The following KDM6B variants were observed in gnomAD, a reference collection of about 807,000 sequenced individuals.
KDM6B encodes lysine demethylase 6B, also known as lysine-specific demethylase 6B.
Under a neutral mutation model 150.4 loss-of-function variants are expected in KDM6B, and 22 were observed. The observed-to-expected ratio is 0.15, with a 90% CI of 0.10 to 0.21. The LOEUF (loss-of-function observed/expected upper bound fraction) is 0.21. Ranked by LOEUF, KDM6B falls within the 10% of genes least tolerant of loss-of-function variation. The pLI, the probability that KDM6B is intolerant of heterozygous loss-of-function variation, is 1.00. For synonymous variants in KDM6B, 1,148 were observed against 921.1 expected (o/e 1.25, Z -4.46); for missense variants, 1,984 against 2,234.3 (o/e 0.89, Z 2.26).
In KDM6B at chr17:7,847,959, C is replaced by T. The variant is rs1055366496; in HGVS notation, c.1671C>T (p.Asn557=). The change falls in exon 12 of 24, where the codon AAC becomes AAT. Residue 557 remains asparagine, a synonymous_variant. Coordinates refer to ENST00000448097, the MANE Select transcript of KDM6B (RefSeq NM_001348716.2). Reference sequence around the variant, plus strand: ...CAACCACCAGCAGTAGCAACAGCAACAGTGGCAGCCACAGCAGCAGCCCTG... The same window carrying T: ...CAACCACCAGCAGTAGCAACAGCAATAGTGGCAGCCACAGCAGCAGCCCTG... ...PTPTTSSSNS[N]SGSHSSSPAG... is the part of the protein sequence containing the mutation. The T allele has an allele frequency of 6.2e-7, 1 of 1,610,026 alleles. No individual in the cohort carries two copies. The highest frequency in any genetic ancestry group is 8.5e-7 in the Non-Finnish European group (1 of 1,178,866).
In KDM6B at chr17:7,846,906, G is replaced by C. The variant is rs756006835; in HGVS notation, c.799G>C (p.Gly267Arg). 1 of 875,456 alleles carries C rather than the reference G, an allele frequency of 1.1e-6. No homozygotes were observed. Among genetic ancestry groups the C allele is most frequent in the Non-Finnish European group, 1.7e-6 (1 of 605,890 alleles). 54.2% of individuals were successfully genotyped at this position (875,456 alleles called of 1,614,324 possible). The change falls in exon 10 of 24, where the codon GGC becomes CGC. Residue 267 changes from glycine to arginine, a missense_variant. Transcript: ENST00000448097. Reference protein sequence around the residue: ...PPPPPPPPLPGLATSPPFQLT... With the variant: ...PPPPPPPPLPRLATSPPFQLT... The stretch of plus-strand genomic sequence containing the variant: ...ACCACCACCACCACCACCCCTGCCT[G>C]GCCTGGCTACCAGCCCCCCATTTCA...
chr17:7,842,111 C>T (rs2078427810), intron 2 of KDM6B, among the ~76,000 whole-genome samples: 1 of 152,240 alleles, frequency 6.6e-6, no homozygotes, highest in African/African-American at 2.4e-5. Flanking sequence ...AGGCCTCTTA[C>T]CACGCGTCCC....
rs759908151 is a variant in KDM6B at position 7,846,504 on chromosome 17, A to G, written c.549+12A>G. The G allele has an allele frequency of 1.2e-6, 2 of 1,613,930 alleles. No individual in the cohort carries two copies. The highest frequency in any genetic ancestry group is 1.7e-6 in the Non-Finnish European group (2 of 1,179,946). On this transcript the variant is annotated intron_variant, in intron 8 of 23. Transcript: ENST00000448097. Reference sequence around the variant, plus strand: ...TGCTACACCTTGAGGTGAGGCTGGCACTGGGTGGGTTAGGGAGGAGAGCCA... The same window carrying G: ...TGCTACACCTTGAGGTGAGGCTGGCGCTGGGTGGGTTAGGGAGGAGAGCCA...
rs2078488759 is a variant in KDM6B, at chr17:7,844,481, T to TA, written c.-268-419dup. On this transcript the variant is annotated intron_variant, in intron 2 of 23. Transcript: ENST00000448097. The surrounding 1 kb of genome is among the most constrained non-coding windows in gnomAD (Gnocchi z 5.9). ...TGGCTGGCCAGCCCTAAGCAGTTAA[T>TA]AGGGGCGCTCGGGGTAGGGAGGTCT... The TA allele has an allele frequency of 6.6e-6, 1 of 151,518 alleles. No individual in the cohort carries two copies. Among genetic ancestry groups the TA allele is most frequent in the African/African-American group, 2.4e-5 (1 of 41,122 alleles). The allele number at this position is 151,518 out of a possible 1,614,324, so 9.4% of individuals were successfully genotyped here. A position where few individuals can be genotyped will look rare whatever the true frequency, so the allele number is the denominator to read the frequency against.
chr17:7,849,634 G>A lies in KDM6B; in HGVS notation c.3346G>A (p.Glu1116Lys). The A allele has an allele frequency of 6.2e-7, 1 of 1,611,466 alleles. No homozygotes were observed. Among genetic ancestry groups the A allele is most frequent in the Non-Finnish European group, 8.5e-7 (1 of 1,180,014 alleles). The change falls in exon 12 of 24, where the codon GAG (glutamate) becomes AAG (lysine). Residue 1116 changes from glutamate (E) to lysine (K), a missense_variant. By Grantham distance (56) the Glu-to-Lys change is moderately conservative. Around this residue, in one of 13 missense-constraint regions of KDM6B, gnomAD observed 1,379 missense variants for 1,275.6 expected, o/e 1.08. Coordinates refer to ENST00000448097, the MANE Select transcript of KDM6B (RefSeq NM_001348716.2). ...CATCAAGGTAGAGAGTGGTGACAAGGAGACCTTTATCGCCTCTGAGGTGGA... is the reference window on the plus strand; with the variant it reads ...CATCAAGGTAGAGAGTGGTGACAAGAAGACCTTTATCGCCTCTGAGGTGGA... ...RLIKVESGDK[E>K]TFIASEVEER...
In KDM6B at chr17:7,834,268, C is replaced by T. The variant is rs1236643152; in HGVS notation, c.-470C>T. ...CACTGGGCGGAGCGGCCCCCCCAGCCCCGGCCTGGGAGAAGGGGGGGCCGC... is the reference window on the plus strand; with the variant it reads ...CACTGGGCGGAGCGGCCCCCCCAGCTCCGGCCTGGGAGAAGGGGGGGCCGC... On this transcript the variant is annotated 5_prime_UTR_variant, in exon 1 of 24. Coordinates refer to ENST00000448097, the MANE Select transcript of KDM6B (RefSeq NM_001348716.2). 6.6e-6 allele frequency among the ~76,000 whole-genome samples: 1 copy of T among 151,356 alleles called. No homozygotes were observed. The highest frequency in any genetic ancestry group is 1.5e-5 in the Non-Finnish European group (1 of 67,744).
In KDM6B at chr17:7,845,592, C is replaced by T. The variant is rs746560165; in HGVS notation, c.38C>T (p.Ala13Val). ...GTGGACCCTCCAGGGGCCCGCGCTG[C>T]ACGGGAAGCCTTTGCCCTTGGGGGC... ...RAVDPPGARA[A>V]REAFALGGLS... Residue 13 changes from alanine to valine, a missense_variant, in exon 5 of 24, where the codon GCA (alanine) becomes GTA (valine). Around this residue, in one of 13 missense-constraint regions of KDM6B, gnomAD observed 337 missense variants for 323.9 expected, o/e 1.04. Transcript: ENST00000448097. 2 of 1,614,168 alleles carry T rather than the reference C, an allele frequency of 1.2e-6. No individual in the cohort carries two copies. Among genetic ancestry groups the T allele is most frequent in the Non-Finnish European group, 1.7e-6 (2 of 1,180,036 alleles).
intron 3 of KDM6B, 132 bp from the exon 4 acceptor site, chr17:7,845,182 C>T: frequency 2.6e-6 from 1 of 379,998 alleles, no homozygotes; most frequent in Non-Finnish European, 5.1e-6. Context: ...GCCGGGCCTC[C>T]CTTTGGGGAA....
chr17:7,850,382 T>C (rs917122051), intron 14 of KDM6B, among the ~76,000 whole-genome samples: 1 of 152,314 alleles, frequency 6.6e-6, no homozygotes, highest in African/African-American at 2.4e-5. Context: ...AGGGCCTGAT[T>C]AGTCATTTCT....
chr17:7,849,744 G>A lies in KDM6B; in HGVS notation c.3440+16G>A. The A allele has an allele frequency of 6.2e-7, 1 of 1,612,502 alleles. No homozygotes were observed. ...GCGCCAGCAGGTGAGTCGGCTGCCT[G>A]CTTGCTTGTCCCGGAGACAGGCTCC... On this transcript the variant is annotated intron_variant, in intron 12 of 23. Transcript: ENST00000448097.
Position 7,847,831 on chromosome 17 carries a change from G to GGC in KDM6B, c.1543_1544insGC (p.Ala515GlyfsTer68). 5 of 880,362 alleles carry GGC rather than the reference G, an allele frequency of 5.7e-6. No homozygotes were observed. Among genetic ancestry groups the GGC allele is most frequent in the Non-Finnish European group, 7.4e-6 (5 of 676,870 alleles). 54.5% of individuals were successfully genotyped at this position (880,362 alleles called of 1,614,324 possible). A position where few individuals can be genotyped will look rare whatever the true frequency, so the allele number is the denominator to read the frequency against. On this transcript the variant is annotated frameshift_variant, in exon 12 of 24. Transcript: ENST00000448097. LOFTEE classifies it high-confidence loss of function. The stretch of plus-strand genomic sequence containing the variant: ...TGGGACTGAGGGACCCCCCCGCCCT[G>GGC]CCCCACCACCCCTCCCCCATCGCGA...
intron 2 of KDM6B, among the ~76,000 whole-genome samples, chr17:7,842,214 C>T (rs1456584943): frequency 1.3e-5 from 2 of 152,090 alleles, no homozygotes. Flanking sequence ...TCTTGGGGCT[C>T]CAGCGGGGGC....
At position 7,846,237 on chromosome 17, in the gene KDM6B, C is replaced by A. The variant is rs759280783; in HGVS notation, c.396C>A (p.Ser132Arg). The A allele has an allele frequency of 3.7e-6, 6 of 1,614,042 alleles. No individual in the cohort carries two copies. The highest frequency in any genetic ancestry group is 5.1e-6 in the Non-Finnish European group (6 of 1,179,994). The change falls in exon 7 of 24, where the codon AGC becomes AGA. Residue 132 changes from serine to arginine, a missense_variant. By Grantham distance (110) the Ser-to-Arg change is moderately radical. Around this residue, in one of 13 missense-constraint regions of KDM6B, gnomAD observed 337 missense variants for 323.9 expected, o/e 1.04. Coordinates refer to ENST00000448097, the MANE Select transcript of KDM6B (RefSeq NM_001348716.2). ...AGGAGGCCACACGCTGCTACCACAGCGCCCTTCGATACGGAGGAAGCTTCG... is the reference window on the plus strand; with the variant it reads ...AGGAGGCCACACGCTGCTACCACAGAGCCCTTCGATACGGAGGAAGCTTCG... ...DSEEATRCYH[S>R]ALRYGGSFAE... is the part of the protein sequence containing the mutation.
At chr17:7,847,474 A>AG (rs759091559) in intron 11 of KDM6B, 22 bp downstream of exon 11, 21 of 1,613,294 alleles carry the variant, frequency 1.3e-5, no homozygotes, top group South Asian at 1.1e-4. Flanking sequence ...CTGAGGGTGG[A>AG]GGGGGGGATG....
intron 1 of KDM6B, among the ~76,000 whole-genome samples, 156 bp from the exon 2 acceptor site, chr17:7,839,750 C>T (rs2078386711): frequency 6.6e-6 from 1 of 152,138 alleles, no homozygotes; most frequent in Admixed American, 6.5e-5. Flanking sequence ...TGGATGACCA[C>T]TTTGGGGATG....
chr17:7,849,039 C>A lies in KDM6B; in HGVS notation c.2751C>A (p.Ile917=), dbSNP rs776744149. 6 of 1,586,614 alleles carry A rather than the reference C, an allele frequency of 3.8e-6. No homozygotes were observed. The highest frequency in any genetic ancestry group is 4.3e-6 in the Non-Finnish European group (5 of 1,164,134). ...ARSESEVLEE[I]SRACETLVER... is the part of the protein sequence containing the mutation. ...CTGAGTCTGAGGTGCTAGAAGAGAT[C>A]AGCCGGGCTTGCGAGACCCTTGTGG... Residue 917 remains isoleucine (I), a synonymous_variant, in exon 12 of 24, where the codon ATC becomes ATA. Transcript: ENST00000448097.
At chr17:7,835,703 C>T (rs893890069) in intron 1 of KDM6B, among the ~76,000 whole-genome samples, 1 of 152,122 alleles carries the variant, frequency 6.6e-6, no homozygotes, top group African/African-American at 2.4e-5. Context: ...TGGGAGGCAG[C>T]AGCTGCCTGG....
chr17:7,837,081 C>G (rs2078343995), intron 1 of KDM6B, among the ~76,000 whole-genome samples: 1 of 152,144 alleles, frequency 6.6e-6, no homozygotes, highest in African/African-American at 2.4e-5. Flanking sequence ...AGACTTTGCC[C>G]CTTTGCTGGG....
Position 7,837,287 on chromosome 17 carries a change from TG to T in KDM6B, c.-387-2610del, listed in dbSNP as rs147635033. The stretch of plus-strand genomic sequence containing the variant: ...AAAGACGGAAGAGTTGTGTGTAGTA[TG>T]GGGGGGGGTTCACTACACACCAGCT... On this transcript the variant is annotated intron_variant, in intron 1 of 23. Transcript: ENST00000448097. 9.7e-4 allele frequency among the ~76,000 whole-genome samples: 146 copies of T among 150,972 alleles called. No individual in the cohort carries two copies. The Middle Eastern group carries it at 0.01, about 11-fold the overall frequency.
Sources: allele counts gnomAD v4.1 joint callset (sites outside exome capture counted in the v4.1 genomes callset), GRCh38; gene constraint gnomAD v4.1.1; regional missense constraint gnomAD v4.1.1; non-coding constraint Gnocchi (gnomAD v3.1); transcripts MANE v1.5; gene names NCBI Gene and HGNC (gene_info 2026-07-23, HGNC 2026-07-21).